Variants in MACROD2 observed in about 807,000 individuals in gnomAD.
MACROD2 encodes ADP-ribose glycohydrolase MACROD2.
In MACROD2, 36 loss-of-function variants were observed where a neutral mutation model predicts 70.4. The observed-to-expected ratio is 0.51, with a 90% confidence interval of 0.39 to 0.68. The LOEUF is 0.68. Among genes scored for constraint, MACROD2 ranks in the 30% least tolerant of loss-of-function variants. The pLI is 0.00. For synonymous variants in MACROD2, 172 were observed against 178.8 expected (o/e 0.96, Z 0.30); for missense variants, 496 against 538.4 (o/e 0.92, Z 0.78).
chr20:14,104,961 A>G (rs1303590660), intron 3 of MACROD2, among the ~76,000 whole-genome samples: 4 of 152,226 alleles, frequency 2.6e-5, no homozygotes, highest in African/African-American at 9.6e-5. Context: ...TAGTTTAAAT[A>G]TAAGCTGAAC....
intron 12 of MACROD2, among the ~76,000 whole-genome samples, chr20:15,957,962 T>G (rs571504987): frequency 6.6e-6 from 1 of 152,328 alleles, no homozygotes; most frequent in African/African-American, 2.4e-5. Context: ...TGGTTCTATT[T>G]GCAATGGTGC....
chr20:15,680,356 G>A (rs527725081), intron 8 of MACROD2, among the ~76,000 whole-genome samples: 2 of 152,272 alleles, frequency 1.3e-5, no homozygotes, highest in South Asian at 2.1e-4. Context: ...TGACAGTTTG[G>A]TGAGGATTTT....
chr20:15,404,712 T>C (rs542744693), intron 6 of MACROD2, among the ~76,000 whole-genome samples: 1 of 152,344 alleles, frequency 6.6e-6, no homozygotes, highest in African/African-American at 2.4e-5. Flanking sequence ...AAACCCACAG[T>C]CTTCCTTTCT....
At chr20:14,111,913 G>A (rs2146735) in intron 3 of MACROD2, among the ~76,000 whole-genome samples, 26,558 of 151,970 alleles carry the variant, frequency 0.17, 2,503 homozygotes, top group South Asian at 0.23. Flanking sequence ...ACGCATGTTT[G>A]TTGCAGCACT....
chr20:14,515,463 A>ACACACACCACACACACGCG (rs34190778), intron 4 of MACROD2, among the ~76,000 whole-genome samples: 1 of 138,822 alleles, frequency 7.2e-6, no homozygotes, highest in South Asian at 2.2e-4. Context: ...ATACACACAC[A>ACACACACCACACACACGCG]CGCACACACA....
intron 8 of MACROD2, among the ~76,000 whole-genome samples, chr20:15,522,784 GGGT>G (rs1305802936): frequency 6.6e-6 from 1 of 152,172 alleles, no homozygotes; most frequent in Non-Finnish European, 1.5e-5. Context: ...GCTAACTGCT[GGGT>G]GACTGGAGAC....
At chr20:15,423,881 A>G (rs752190015) in intron 6 of MACROD2, among the ~76,000 whole-genome samples, 23 of 150,226 alleles carry the variant, frequency 1.5e-4, no homozygotes, top group Non-Finnish European at 3.0e-4. Context: ...AACAACAAGC[A>G]TTTATTTCTT....
intron 5 of MACROD2, among the ~76,000 whole-genome samples, chr20:15,076,952 G>T (rs1050940387): frequency 4.6e-5 from 7 of 152,100 alleles, no homozygotes; most frequent in African/African-American, 1.4e-4. Context: ...CATAAAATTT[G>T]CAAATTACTT....
rs2076020202 is a variant in MACROD2 at position 15,120,237 on chromosome 20, T to C, written c.419-109703T>C. On this transcript the variant is annotated intron_variant, in intron 5 of 17. Transcript: ENST00000684519. ...TATTCTTTGTCATCAGCATACTCTATCTTAGACTGTATTTTTAAGGGGGAG... is the reference window on the plus strand; with the variant it reads ...TATTCTTTGTCATCAGCATACTCTACCTTAGACTGTATTTTTAAGGGGGAG... Among the ~76,000 whole-genome samples the C allele has an allele frequency of 4.2e-5, 6 of 144,146 alleles. No homozygotes were observed. The South Asian group carries it at 1.2e-3, about 28-fold the overall frequency. The allele number at this position is 144,146 out of a possible 152,430, so 94.6% of individuals were successfully genotyped here. A position where few individuals can be genotyped will look rare whatever the true frequency, so the allele number is the denominator to read the frequency against.
chr20:14,818,069 T>A (rs910080465), intron 5 of MACROD2, among the ~76,000 whole-genome samples: 1 of 152,154 alleles, frequency 6.6e-6, no homozygotes, highest in Non-Finnish European at 1.5e-5. Flanking sequence ...TATCCTGATC[T>A]ATGGAAGATG....
intron 6 of MACROD2, among the ~76,000 whole-genome samples, chr20:15,318,955 C>A (rs1447731843): frequency 6.6e-6 from 1 of 151,964 alleles, no homozygotes; most frequent in African/African-American, 2.4e-5. Context: ...ACTAAAAGTT[C>A]CAGACAGAGG....
chr20:15,553,658 G>A (rs1009028641), intron 8 of MACROD2, among the ~76,000 whole-genome samples: 2 of 152,084 alleles, frequency 1.3e-5, no homozygotes, highest in Non-Finnish European at 1.5e-5. Flanking sequence ...AAGATCAAGC[G>A]ATCCACCTGC....
At chr20:14,714,617 G>GT (rs2123670039) in intron 5 of MACROD2, among the ~76,000 whole-genome samples, 1 of 152,226 alleles carries the variant, frequency 6.6e-6, no homozygotes, top group East Asian at 1.9e-4. Flanking sequence ...TTTAAAAACT[G>GT]TGTCTCATTC....
chr20:15,599,443 C>G (rs974669296), intron 8 of MACROD2, among the ~76,000 whole-genome samples: 1 of 151,980 alleles, frequency 6.6e-6, no homozygotes, highest in Non-Finnish European at 1.5e-5. Context: ...GCCTGTGATC[C>G]TTTTACCACT....
intron 3 of MACROD2, among the ~76,000 whole-genome samples, chr20:14,407,156 T>G (rs898987423): frequency 4.6e-5 from 7 of 152,160 alleles, no homozygotes; most frequent in African/African-American, 1.4e-4. Context: ...TAGCCCTGTT[T>G]CTACTGGATG....
chr20:14,358,826 G>T (rs1429302267), intron 3 of MACROD2, among the ~76,000 whole-genome samples: 1 of 152,160 alleles, frequency 6.6e-6, no homozygotes, highest in Non-Finnish European at 1.5e-5. Context: ...TTGCACTCAG[G>T]TTTCAAACCC....
At chr20:15,615,056 A>G (rs2049018926) in intron 8 of MACROD2, among the ~76,000 whole-genome samples, 1 of 152,104 alleles carries the variant, frequency 6.6e-6, no homozygotes, top group Non-Finnish European at 1.5e-5. Flanking sequence ...TGAATTCCTC[A>G]TTTGCTACTG....
chr20:15,834,280 C>A (rs562451532), intron 8 of MACROD2, among the ~76,000 whole-genome samples: 5 of 152,174 alleles, frequency 3.3e-5, no homozygotes, highest in African/African-American at 9.7e-5. Flanking sequence ...GCAGAGGTTG[C>A]AGTGAGCTGA....
chr20:16,013,278 C>T (rs990247291), intron 15 of MACROD2, among the ~76,000 whole-genome samples: 3 of 152,126 alleles, frequency 2.0e-5, no homozygotes, highest in Admixed American at 2.0e-4. Context: ...TTGCAAGAGT[C>T]AACAGCTACA....
Sources: gnomAD v4.1 joint callset for allele counts (sites outside exome capture counted in the v4.1 genomes callset) on GRCh38, gnomAD v4.1.1 for gene constraint, MANE v1.5 for transcripts, NCBI Gene and HGNC (gene_info 2026-07-23, HGNC 2026-07-21) for gene names.